PLCB4: variants seen among roughly 807,000 people sequenced by gnomAD.
The protein encoded by PLCB4 is 1-phosphatidylinositol 4,5-bisphosphate phosphodiesterase beta-4.
A neutral mutation model predicts 178.8 loss-of-function variants in PLCB4; 77 were observed. The ratio of observed to expected loss-of-function variants is 0.43; its 90% CI spans 0.36 to 0.52. The LOEUF is 0.52. Ranked by LOEUF, PLCB4 falls within the 20% of genes least tolerant of loss-of-function variation. The probability of loss-of-function intolerance (pLI) is 0.00; values close to 1 mark genes in which losing one functional copy is unlikely to be tolerated. For missense variants in PLCB4, 1,024 were observed against 1,453.4 expected (o/e 0.70, Z 4.80); for synonymous variants, 496 against 490.8 (o/e 1.01, Z -0.14).
intron 18 of PLCB4, among the ~76,000 whole-genome samples, chr20:9,394,383 G>A (rs755153618): frequency 6.6e-6 from 1 of 151,958 alleles, no homozygotes; most frequent in African/African-American, 2.4e-5. Flanking sequence ...TATTATACAC[G>A]TATTCATATA....
At chr20:9,207,163 C>T (rs1328137797) in intron 2 of PLCB4, among the ~76,000 whole-genome samples, 1 of 152,082 alleles carries the variant, frequency 6.6e-6, no homozygotes, top group Non-Finnish European at 1.5e-5. Flanking sequence ...ACAAACGATA[C>T]CACAAAGCAT....
chr20:9,127,337 C>CT lies in PLCB4; in HGVS notation c.-79+30996dup, dbSNP rs755464234. 8.5e-5 allele frequency among the ~76,000 whole-genome samples: 13 copies of CT among 152,222 alleles called. No homozygotes were observed. The East Asian group carries it at 2.3e-3, about 27-fold the overall frequency. On this transcript the variant is annotated intron_variant, in intron 2 of 39. Transcript: ENST00000378473. Reference sequence around the variant, plus strand: ...CATAGGAGGCATGAGGTACTTCATACTGCTCATCCTGAAAGCCACCTCTGT... The same window carrying CT: ...CATAGGAGGCATGAGGTACTTCATACTTGCTCATCCTGAAAGCCACCTCTGT...
In PLCB4 at chr20:9,307,823, A is replaced by G. The variant is rs976361852; in HGVS notation, c.9A>G (p.Lys3=). 8 of 1,594,726 alleles carry G rather than the reference A, an allele frequency of 5.0e-6. No individual in the cohort carries two copies. Among genetic ancestry groups the G allele is most frequent in the Admixed American group, 3.4e-5 (2 of 59,384 alleles). Residue 3 remains lysine, a synonymous_variant, in exon 4 of 40, where the codon AAA becomes AAG. Coordinates refer to ENST00000378473, the MANE Select transcript of PLCB4 (RefSeq NM_001377142.1). MA[K]PYEFNWQKEV... ...AGGTCTTGAATATAATCATGGCCAA[A>G]CCTTATGAATTTAACTGGCAGAAGG...
intron 25 of PLCB4, among the ~76,000 whole-genome samples, chr20:9,416,035 C>T (rs2040220290): frequency 6.6e-6 from 1 of 152,202 alleles, no homozygotes; most frequent in Admixed American, 6.5e-5. Context: ...CAGGGCTTAT[C>T]TCATGGTCCT....
At chr20:9,235,192 A>G (rs1423848104) in intron 3 of PLCB4, among the ~76,000 whole-genome samples, 3 of 152,034 alleles carry the variant, frequency 2.0e-5, no homozygotes, top group African/African-American at 7.2e-5. Context: ...ATGGACTTGG[A>G]GTTCTAATAG....
chr20:9,403,455 A>G (rs1395280272), intron 20 of PLCB4, among the ~76,000 whole-genome samples: 1 of 152,196 alleles, frequency 6.6e-6, no homozygotes, highest in Non-Finnish European at 1.5e-5. Context: ...TGACTGTAGA[A>G]TATGTTAAAA....
At chr20:9,088,361 C>T (rs959999911) in intron 1 of PLCB4, among the ~76,000 whole-genome samples, 5 of 152,236 alleles carry the variant, frequency 3.3e-5, no homozygotes, top group Middle Eastern at 3.4e-3. Flanking sequence ...AGGAACTCAT[C>T]ATATCACCTT....
chr20:9,192,596 G>A (rs377409840), intron 2 of PLCB4, among the ~76,000 whole-genome samples: 10 of 143,618 alleles, frequency 7.0e-5, no homozygotes, highest in East Asian at 2.1e-4. Flanking sequence ...TGTGATCACC[G>A]TTCACTGTAG....
intron 2 of PLCB4, among the ~76,000 whole-genome samples, chr20:9,144,597 A>G (rs561601325): frequency 6.0e-5 from 9 of 149,204 alleles, no homozygotes; most frequent in African/African-American, 2.0e-4. Context: ...GTTCAAGACC[A>G]GCTTGAGCAA....
intron 3 of PLCB4, among the ~76,000 whole-genome samples, chr20:9,274,492 T>G (rs1168610558): frequency 1.3e-5 from 2 of 152,072 alleles, no homozygotes; most frequent in Non-Finnish European, 2.9e-5. Flanking sequence ...CCCCCCAAAT[T>G]ATCAGATTCT....
intron 32 of PLCB4, among the ~76,000 whole-genome samples, chr20:9,446,167 C>T (rs866187477): frequency 6.6e-6 from 1 of 152,260 alleles, no homozygotes; most frequent in Middle Eastern, 3.4e-3. Context: ...ATGTGAGTCT[C>T]CATTTATATG....
intron 2 of PLCB4, among the ~76,000 whole-genome samples, chr20:9,215,148 G>T (rs1041934147): frequency 6.6e-6 from 1 of 152,108 alleles, no homozygotes; most frequent in African/African-American, 2.4e-5. Context: ...TAATTATTCA[G>T]CATTCAACAA....
At position 9,132,207 on chromosome 20, in the gene PLCB4, T is replaced by C. The variant is rs145097802; in HGVS notation, c.-79+35865T>C. ...GCAAAAGGACAAAGGGGACCTTGTG[T>C]ATGTTGTGGCTCATAGAAGACTGCA... is the stretch of plus-strand genomic sequence containing the variant. On this transcript the variant is annotated intron_variant, in intron 2 of 39. Transcript: ENST00000378473. Among the ~76,000 whole-genome samples the C allele has an allele frequency of 8.5e-5, 13 of 152,300 alleles. No individual in the cohort carries two copies. In the East Asian group the frequency reaches 2.3e-3, roughly 27 times the overall value.
intron 3 of PLCB4, among the ~76,000 whole-genome samples, chr20:9,246,763 A>G (rs2094130859): frequency 6.6e-6 from 1 of 152,202 alleles, no homozygotes; most frequent in Admixed American, 6.5e-5. Flanking sequence ...CAGTTATTCA[A>G]TATGACTGGA....
intron 9 of PLCB4, among the ~76,000 whole-genome samples, chr20:9,367,426 G>A (rs2035879811): frequency 6.6e-6 from 1 of 152,178 alleles, no homozygotes; most frequent in Non-Finnish European, 1.5e-5. Context: ...AAAAAGCCCT[G>A]TTAGCAGCCT....
intron 3 of PLCB4, among the ~76,000 whole-genome samples, chr20:9,298,463 A>G (rs1459238098): frequency 6.6e-6 from 1 of 152,048 alleles, no homozygotes; most frequent in Non-Finnish European, 1.5e-5. Context: ...ATTGACAGTT[A>G]TTCATTATAT....
intron 38 of PLCB4, among the ~76,000 whole-genome samples, chr20:9,473,940 G>A (rs868288714): frequency 2.0e-5 from 3 of 152,068 alleles, no homozygotes; most frequent in Non-Finnish European, 2.9e-5. Context: ...TATCCAGGCC[G>A]GGCGCAGTGG....
At chr20:9,206,654 G>A (rs2147218087) in intron 2 of PLCB4, among the ~76,000 whole-genome samples, 1 of 152,260 alleles carries the variant, frequency 6.6e-6, no homozygotes, top group East Asian at 1.9e-4. Context: ...AATTAGGTAG[G>A]CAGAGAATAA....
chr20:9,407,837 T>G, intron 21 of PLCB4, 80 bp from the exon 22 acceptor site: 1 of 1,239,954 alleles, frequency 8.1e-7, no homozygotes, highest in Non-Finnish European at 1.1e-6. Context: ...GCAATTATCT[T>G]TATTAAGGAA....
Sources: gnomAD v4.1 joint callset for allele counts (sites outside exome capture counted in the v4.1 genomes callset) on GRCh38, gnomAD v4.1.1 for gene constraint, MANE v1.5 for transcripts, NCBI Gene and HGNC (gene_info 2026-07-23, HGNC 2026-07-21) for gene names.